Variants in SLC35F1 observed in about 807,000 individuals in gnomAD.
SLC35F1 encodes the protein chromosome 6 open reading frame 169.
Under a neutral mutation model 48.7 loss-of-function variants are expected in SLC35F1, and 14 were observed. That is an observed-to-expected ratio of 0.29 (90% CI 0.19 to 0.45). The LOEUF (loss-of-function observed/expected upper bound fraction) is 0.45, where lower values mean the gene tolerates loss of function less well. Among genes scored for constraint, SLC35F1 ranks in the 20% least tolerant of loss-of-function variants. The pLI is 1.00. For synonymous variants in SLC35F1, 190 were observed against 202.2 expected (o/e 0.94, Z 0.51); for missense variants, 404 against 500.0 (o/e 0.81, Z 1.83).
rs185117846 is a variant in SLC35F1 at position 117,914,136 on chromosome 6, A to G, written c.173+6237A>G. Among the ~76,000 whole-genome samples, 126 of 144,864 alleles carry G rather than the reference A, an allele frequency of 8.7e-4. 1 individual carries two copies. The highest frequency in any genetic ancestry group is 8.0e-4 in the East Asian group (4 of 4,974). ...TATCTATCTATCTATCTATCTATCT[A>G]TCTGTCTATCCACATATATACACAC... On this transcript the variant is annotated intron_variant, in intron 1 of 7. Coordinates refer to ENST00000360388, the MANE Select transcript of SLC35F1 (RefSeq NM_001029858.4).
chr6:118,266,002 A>G (rs1775769049), intron 3 of SLC35F1, among the ~76,000 whole-genome samples: 1 of 152,198 alleles, frequency 6.6e-6, no homozygotes, highest in Non-Finnish European at 1.5e-5. Flanking sequence ...TTGAAAGCAG[A>G]GTTATAGACC....
intron 1 of SLC35F1, among the ~76,000 whole-genome samples, chr6:118,023,383 C>T (rs938313436): frequency 2.0e-5 from 3 of 152,028 alleles, no homozygotes; most frequent in Non-Finnish European, 2.9e-5. Flanking sequence ...CTCCATAGGA[C>T]CCAGGCCTGT....
At chr6:118,297,352 G>T (rs1029374713) in intron 7 of SLC35F1, among the ~76,000 whole-genome samples, 18 of 152,016 alleles carry the variant, frequency 1.2e-4, no homozygotes, top group African/African-American at 4.3e-4. Context: ...ATCACTACTG[G>T]TATTGTCAAG....
intron 4 of SLC35F1, among the ~76,000 whole-genome samples, chr6:118,271,041 T>G (rs1775845314): frequency 6.6e-6 from 1 of 151,114 alleles, no homozygotes; most frequent in Non-Finnish European, 1.5e-5. Flanking sequence ...TTTATTACAC[T>G]TACTTTTACA....
intron 1 of SLC35F1, among the ~76,000 whole-genome samples, chr6:118,138,191 C>T (rs1426967210): frequency 6.6e-6 from 1 of 151,922 alleles, no homozygotes; most frequent in Non-Finnish European, 1.5e-5. Context: ...TGCCTGTAGT[C>T]CCACCTACTC....
At chr6:118,124,273 G>A (rs2114407721) in intron 1 of SLC35F1, among the ~76,000 whole-genome samples, 1 of 152,078 alleles carries the variant, frequency 6.6e-6, no homozygotes, top group African/African-American at 2.4e-5. Context: ...GTCCCTTTAG[G>A]TCATGCAAAC....
chr6:118,030,288 A>G (rs1399077033), intron 1 of SLC35F1, among the ~76,000 whole-genome samples: 2 of 152,190 alleles, frequency 1.3e-5, no homozygotes, highest in East Asian at 1.9e-4. Flanking sequence ...AACAGAGTGT[A>G]GCTCCTAGCA....
intron 1 of SLC35F1, among the ~76,000 whole-genome samples, chr6:117,914,128 A>ATCTATCTATCTG (rs1221204161): frequency 6.6e-6 from 1 of 150,686 alleles, no homozygotes; most frequent in African/African-American, 2.5e-5. Context: ...CTATCTATCT[A>ATCTATCTATCTG]TCTATCTATC....
intron 1 of SLC35F1, among the ~76,000 whole-genome samples, chr6:118,112,716 A>AT (rs1401011104): frequency 6.6e-6 from 1 of 152,204 alleles, no homozygotes; most frequent in East Asian, 1.9e-4. Flanking sequence ...GTTTTAAAAA[A>AT]ATATAATTGA....
intron 1 of SLC35F1, among the ~76,000 whole-genome samples, chr6:117,930,148 C>T (rs1352055824): frequency 1.3e-5 from 2 of 152,114 alleles, no homozygotes; most frequent in African/African-American, 2.4e-5. Context: ...TGTTTTGTCC[C>T]TTTGACAGAA....
At chr6:118,136,010 A>G (rs1773789253) in intron 1 of SLC35F1, among the ~76,000 whole-genome samples, 1 of 152,164 alleles carries the variant, frequency 6.6e-6, no homozygotes, top group Admixed American at 6.5e-5. Context: ...TAAGAGCCCA[A>G]ACTCTTAAGT....
chr6:118,061,572 T>TTG (rs71012378), intron 1 of SLC35F1, among the ~76,000 whole-genome samples: 1 of 147,158 alleles, frequency 6.8e-6, no homozygotes, highest in African/African-American at 2.5e-5. Context: ...ATATATACAT[T>TTG]TGTGTGTGTG....
At chr6:118,254,203 T>C (rs1184122472) in intron 3 of SLC35F1, among the ~76,000 whole-genome samples, 2 of 152,200 alleles carry the variant, frequency 1.3e-5, no homozygotes, top group Non-Finnish European at 2.9e-5. Flanking sequence ...CGGTATCCTC[T>C]GCATCTATAA....
chr6:118,178,599 A>G (rs1158357525), intron 2 of SLC35F1, among the ~76,000 whole-genome samples: 1 of 152,104 alleles, frequency 6.6e-6, no homozygotes, highest in Non-Finnish European at 1.5e-5. Context: ...TTTATTCCAC[A>G]AAACCATGGA....
rs192208424 is a variant in SLC35F1 at position 117,990,468 on chromosome 6, A to G, written c.173+82569A>G. On this transcript the variant is annotated intron_variant, in intron 1 of 7. Coordinates refer to ENST00000360388, the MANE Select transcript of SLC35F1 (RefSeq NM_001029858.4). ...GAAGTTACTAGGTAACTGAAGAAGTATATTATTTCAATAATTTCAAAATTC... is the reference window on the plus strand; with the variant it reads ...GAAGTTACTAGGTAACTGAAGAAGTGTATTATTTCAATAATTTCAAAATTC... 1.9e-3 allele frequency among the ~76,000 whole-genome samples: 296 copies of G among 152,344 alleles called. 1 individual carries two copies. The highest frequency in any genetic ancestry group is 6.7e-3 in the African/African-American group (279 of 41,578).
rs779108571 is a variant in SLC35F1 at position 118,154,544 on chromosome 6, C to G, written c.273C>G (p.Asn91Lys). The G allele has an allele frequency of 6.2e-7, 1 of 1,614,048 alleles. No homozygotes were observed. Among genetic ancestry groups the G allele is most frequent in the Non-Finnish European group, 8.5e-7 (1 of 1,179,950 alleles). Reference protein sequence around the residue: ...SKYLSEDFHANTPVFQSFLNY... With the variant: ...SKYLSEDFHAKTPVFQSFLNY... ...ATCTGTCAGAAGATTTCCACGCCAA[C>G]ACACCAGTCTTCCAGAGTTTCCTCA... Residue 91 changes from asparagine to lysine, a missense_variant, in exon 2 of 8, where the codon AAC becomes AAG. Physicochemically the swap from Asn to Lys is moderately conservative, Grantham distance 94. Coordinates refer to ENST00000360388, the MANE Select transcript of SLC35F1 (RefSeq NM_001029858.4).
At chr6:118,046,717 C>T (rs1772307591) in intron 1 of SLC35F1, among the ~76,000 whole-genome samples, 1 of 152,088 alleles carries the variant, frequency 6.6e-6, no homozygotes, top group African/African-American at 2.4e-5. Context: ...CTATTATAAA[C>T]ATCAGTTCAT....
intron 1 of SLC35F1, among the ~76,000 whole-genome samples, chr6:117,944,650 AT>A (rs1352066136): frequency 2.0e-5 from 3 of 151,578 alleles, no homozygotes; most frequent in Non-Finnish European, 2.9e-5. Context: ...CAAACACATG[AT>A]ACGTATTAGT....
At chr6:117,968,733 A>G (rs1000838828) in intron 1 of SLC35F1, among the ~76,000 whole-genome samples, 2 of 152,176 alleles carry the variant, frequency 1.3e-5, no homozygotes, top group African/African-American at 4.8e-5. Context: ...TCTATGGTAT[A>G]AACCTGCTGT....
Sources: gnomAD v4.1 joint callset for allele counts (sites outside exome capture counted in the v4.1 genomes callset) on GRCh38, gnomAD v4.1.1 for gene constraint, MANE v1.5 for transcripts, NCBI Gene and HGNC (gene_info 2026-07-23, HGNC 2026-07-21) for gene names.